Variants in PPARGC1A observed in about 807,000 individuals in gnomAD.
PPARGC1A encodes PPARG coactivator 1 alpha.
Under a neutral mutation model 88.7 loss-of-function variants are expected in PPARGC1A, and 25 were observed. That is an observed-to-expected ratio of 0.28 (90% CI 0.21 to 0.39). The LOEUF (loss-of-function observed/expected upper bound fraction) is 0.39, where lower values mean the gene tolerates loss of function less well. PPARGC1A is among the 10% of genes least tolerant of loss of function. The pLI is 1.00. For missense variants in PPARGC1A, 880 were observed against 968.7 expected, an observed-to-expected ratio of 0.91 and a Z score of 1.22; for synonymous variants, 363 against 355.6, an observed-to-expected ratio of 1.02 and a Z score of -0.24.
intron 5 of PPARGC1A, among the ~76,000 whole-genome samples, chr4:23,828,042 G>A (rs966239701): frequency 6.6e-6 from 1 of 152,064 alleles, no homozygotes; most frequent in African/African-American, 2.4e-5. Flanking sequence ...TACTGGAAGG[G>A]AAAAAATAAA....
At chr4:24,462,080 T>G in the PPARGC1A span, among the ~76,000 whole-genome samples, 2 of 151,988 alleles carry the variant, frequency 1.3e-5, no homozygotes, top group African/African-American at 4.8e-5. Context: ...GAGCAGCATG[T>G]TTTTTGTTTG....
chr4:24,024,010 A>G, the PPARGC1A span, among the ~76,000 whole-genome samples: 16 of 152,184 alleles, frequency 1.1e-4, no homozygotes, highest in Admixed American at 1.0e-3. Flanking sequence ...TACTGCAAAC[A>G]TGGGCATGAT....
the PPARGC1A span, among the ~76,000 whole-genome samples, chr4:23,973,793 T>C: frequency 6.6e-6 from 1 of 152,070 alleles, no homozygotes; most frequent in African/African-American, 2.4e-5. Flanking sequence ...CAGAACATCA[T>C]TGGTAAAGGA....
At chr4:23,908,858 A>G (rs1374479002), upstream of PPARGC1A, among the ~76,000 whole-genome samples, 2 of 152,208 alleles carry the variant, frequency 1.3e-5, no homozygotes, top group Non-Finnish European at 2.9e-5. Flanking sequence ...GAATGTGTGT[A>G]TCTGCAAATG....
At chr4:23,966,787 G>T in the PPARGC1A span, among the ~76,000 whole-genome samples, 1 of 152,190 alleles carries the variant, frequency 6.6e-6, no homozygotes, top group Non-Finnish European at 1.5e-5. Flanking sequence ...GTGGCTTGAA[G>T]TTATTATGCC....
the PPARGC1A span, among the ~76,000 whole-genome samples, chr4:23,969,907 C>T: frequency 1.1e-3 from 160 of 152,252 alleles, 1 homozygote; most frequent in African/African-American, 3.3e-3. Context: ...TCTTTTCTCC[C>T]GGGATGGGGG....
the PPARGC1A span, among the ~76,000 whole-genome samples, chr4:23,917,005 G>C: frequency 2.0e-5 from 3 of 152,176 alleles, no homozygotes; most frequent in Non-Finnish European, 2.9e-5. Context: ...CCAAGAGCCT[G>C]TTTCTCAGTA....
At chr4:24,329,984 A>G in the PPARGC1A span, among the ~76,000 whole-genome samples, 1 of 152,184 alleles carries the variant, frequency 6.6e-6, no homozygotes, top group African/African-American at 2.4e-5. Context: ...TCAGGGCTGT[A>G]CCATCAAATC....
At chr4:23,901,973 A>C (rs1220773879), upstream of PPARGC1A, among the ~76,000 whole-genome samples, 1 of 152,222 alleles carries the variant, frequency 6.6e-6, no homozygotes, top group East Asian at 1.9e-4. Context: ...CGCAGTCGCC[A>C]CTAGCCACAT....
At chr4:23,839,149 C>T (rs1260316224) in intron 2 of PPARGC1A, among the ~76,000 whole-genome samples, 1 of 152,178 alleles carries the variant, frequency 6.6e-6, no homozygotes, top group Non-Finnish European at 1.5e-5. Context: ...TGTACTTAGA[C>T]TCCATCCTTA....
At chr4:24,421,557 C>G in the PPARGC1A span, among the ~76,000 whole-genome samples, 3 of 152,150 alleles carry the variant, frequency 2.0e-5, no homozygotes, top group South Asian at 6.2e-4. Flanking sequence ...GTGATCCACC[C>G]GCCTCCGCCT....
chr4:24,217,868 G>A, the PPARGC1A span, among the ~76,000 whole-genome samples: 1 of 151,966 alleles, frequency 6.6e-6, no homozygotes, highest in South Asian at 2.1e-4. Context: ...TCAGAATATG[G>A]CAATTTATTT....
chr4:24,470,324 A>ACACACACACACACT, the PPARGC1A span, among the ~76,000 whole-genome samples: 20 of 107,846 alleles, frequency 1.9e-4, no homozygotes, highest in African/African-American at 6.4e-4. This position sits in a 1 kb window ranked among gnomAD's most constrained non-coding sequence, Gnocchi z 5.8. Context: ...ACACACACAC[A>ACACACACACACACT]CTCTCTCACA....
chr4:23,804,264 C>A (rs1217558508), intron 10 of PPARGC1A, among the ~76,000 whole-genome samples: 1 of 152,090 alleles, frequency 6.6e-6, no homozygotes, highest in African/African-American at 2.4e-5. Flanking sequence ...CACCATCTAG[C>A]CAGTTATTTA....
the PPARGC1A span, among the ~76,000 whole-genome samples, chr4:24,365,759 G>GT: frequency 6.5e-4 from 99 of 151,330 alleles, no homozygotes; most frequent in African/African-American, 2.0e-3. Flanking sequence ...ATTAGCAATA[G>GT]TTTTTTTTTA....
rs375164290 is a variant in PPARGC1A at position 23,830,134 on chromosome 4, C to T, written c.430-549G>A. ...AAAATCCAAATAAGTCAAGTGGCAA[C>T]AAATGAAAGATTTTGTGATGCTTTG... On this transcript the variant is annotated intron_variant, in intron 3 of 12. Transcript: ENST00000264867. Among the ~76,000 whole-genome samples the T allele has an allele frequency of 5.9e-5, 9 of 152,080 alleles. No homozygotes were observed. In the South Asian group the frequency reaches 1.2e-3, roughly 21 times the overall value.
the PPARGC1A span, among the ~76,000 whole-genome samples, chr4:23,966,986 T>C: frequency 6.6e-5 from 10 of 152,176 alleles, no homozygotes; most frequent in Non-Finnish European, 1.0e-4. Flanking sequence ...GAAATCTCTG[T>C]CCCTGCCTAC....
chr4:24,340,423 T>G, the PPARGC1A span, among the ~76,000 whole-genome samples: 1 of 152,234 alleles, frequency 6.6e-6, no homozygotes, highest in Non-Finnish European at 1.5e-5. Context: ...TTATACATCC[T>G]TTTTGTGGTT....
At chr4:24,412,823 A>G in the PPARGC1A span, among the ~76,000 whole-genome samples, 2 of 152,256 alleles carry the variant, frequency 1.3e-5, no homozygotes, top group Admixed American at 1.3e-4. Flanking sequence ...CCATTTACCC[A>G]TTATCTATGG....
Sources: allele counts gnomAD v4.1 joint callset (sites outside exome capture counted in the v4.1 genomes callset), GRCh38; gene constraint gnomAD v4.1.1; non-coding constraint Gnocchi (gnomAD v3.1); transcripts MANE v1.5; gene names NCBI Gene and HGNC (gene_info 2026-07-23, HGNC 2026-07-21).